The following HELZ variants were observed in gnomAD, a reference collection of about 807,000 sequenced individuals.
The protein encoded by HELZ is ATP-dependent RNA helicase with zinc finger domain.
A neutral mutation model predicts 218.2 loss-of-function variants in HELZ; 23 were observed. The observed-to-expected ratio is 0.11, with a 90% CI of 0.08 to 0.15. HELZ has a LOEUF of 0.15. Among genes scored for constraint, HELZ ranks in the 10% least tolerant of loss-of-function variants. The pLI, the probability that HELZ is intolerant of heterozygous loss-of-function variation, is 1.00. For synonymous variants in HELZ, 814 were observed against 829.4 expected, an observed-to-expected ratio of 0.98 and a Z score of 0.32; for missense variants, 1,813 against 2,353.7, an observed-to-expected ratio of 0.77 and a Z score of 4.75.
intron 1 of HELZ, chr17:67,244,784 G>C (rs2041430262): frequency 1.0e-6 from 1 of 985,234 alleles, no homozygotes; most frequent in Admixed American, 6.1e-5. Context: ...CCGGAGGAGG[G>C]GAACGTGCCG....
intron 3 of HELZ, among the ~76,000 whole-genome samples, chr17:67,221,161 C>A (rs1235244826): frequency 6.6e-6 from 1 of 152,100 alleles, no homozygotes; most frequent in Non-Finnish European, 1.5e-5. Flanking sequence ...ACACTATTAA[C>A]ATTTTGGGCT....
chr17:67,157,031 C>A (rs1168420191), intron 17 of HELZ, among the ~76,000 whole-genome samples: 1 of 152,100 alleles, frequency 6.6e-6, no homozygotes, highest in Admixed American at 6.5e-5. Context: ...ACCTCCCACA[C>A]GTACACTCAC....
intron 32 of HELZ, among the ~76,000 whole-genome samples, chr17:67,086,316 G>A (rs922342948): frequency 3.9e-5 from 6 of 151,976 alleles, no homozygotes; most frequent in African/African-American, 1.5e-4. Context: ...GGCCAGGTGC[G>A]GTGGCTCACG....
At chr17:67,112,050 TACAA>T (rs1192758421) in intron 28 of HELZ, among the ~76,000 whole-genome samples, 5 of 152,156 alleles carry the variant, frequency 3.3e-5, no homozygotes, top group Non-Finnish European at 5.9e-5. Context: ...TGTGCTATTC[TACAA>T]TACTACAATT....
At position 67,178,836 on chromosome 17, in the gene HELZ, G is replaced by A. The variant is rs147625087; in HGVS notation, c.1253C>T (p.Pro418Leu). 2.3e-5 allele frequency: 37 copies of A among 1,613,618 alleles called. No homozygotes were observed. The African/African-American group carries it at 4.1e-4, about 18-fold the overall frequency. ...CTTCTCCAAATCAGTAGTTTCATTA[G>A]GTTCAAAATCTATAATAGTCTTAGA... ...SSSKTIIDFEPNETTDLEKSL... is the reference protein window; with the variant it reads ...SSSKTIIDFELNETTDLEKSL... The change falls in exon 13 of 33, where the codon CCT becomes CTT. Residue 418 changes from proline to leucine, a missense_variant. This residue lies in a region of HELZ where 714 missense variants were observed against 1,029.2 expected (regional missense o/e 0.69). Coordinates refer to ENST00000358691, the MANE Select transcript of HELZ (RefSeq NM_014877.4).
chr17:67,130,495 A>G (rs1313241174), intron 23 of HELZ, among the ~76,000 whole-genome samples: 1 of 152,252 alleles, frequency 6.6e-6, no homozygotes, highest in Non-Finnish European at 1.5e-5. Context: ...ACTAAGGCTA[A>G]TAAGACAGTC....
At chr17:67,203,938 T>C (rs2040233216) in intron 5 of HELZ, among the ~76,000 whole-genome samples, 1 of 152,152 alleles carries the variant, frequency 6.6e-6, no homozygotes, top group South Asian at 2.1e-4. Context: ...CCACAGAAAA[T>C]GCTACCCAAA....
chr17:67,133,806 C>A (rs1030804989), intron 23 of HELZ, among the ~76,000 whole-genome samples: 1 of 152,188 alleles, frequency 6.6e-6, no homozygotes, highest in Non-Finnish European at 1.5e-5. Context: ...TGAGCCACTG[C>A]GCCTGGCCGG....
intron 1 of HELZ, chr17:67,244,724 C>G: frequency 1.0e-6 from 1 of 984,594 alleles, no homozygotes; most frequent in Non-Finnish European, 1.2e-6. Flanking sequence ...TGAGGGGGGG[C>G]ATCGAGCGGG....
At chr17:67,245,597 C>A, upstream of HELZ, 1 of 889,750 alleles carries the variant, frequency 1.1e-6, no homozygotes, top group African/African-American at 1.8e-5. Flanking sequence ...CGTTTCTGCT[C>A]CTGCGGCCGC....
chr17:67,088,895 C>T (rs959581206), intron 31 of HELZ, among the ~76,000 whole-genome samples: 4 of 152,164 alleles, frequency 2.6e-5, no homozygotes, highest in African/African-American at 4.8e-5. Context: ...CATTCAATTA[C>T]GGTAGTGAGT....
At chr17:67,194,375 T>A (rs949510382) in intron 8 of HELZ, among the ~76,000 whole-genome samples, 12 of 152,164 alleles carry the variant, frequency 7.9e-5, no homozygotes, top group Admixed American at 7.2e-4. Context: ...AGGCATGGGA[T>A]GTTTGTCTAT....
At chr17:67,101,792 T>C (rs547626171) in intron 31 of HELZ, among the ~76,000 whole-genome samples, 1 of 152,284 alleles carries the variant, frequency 6.6e-6, no homozygotes, top group South Asian at 2.1e-4. Context: ...AGTGAGAATG[T>C]AATAATTCCA....
chr17:67,152,943 G>C (rs973484769), intron 17 of HELZ, among the ~76,000 whole-genome samples: 1 of 152,068 alleles, frequency 6.6e-6, no homozygotes, highest in Non-Finnish European at 1.5e-5. Flanking sequence ...AGGAGTAACT[G>C]TGTTAAATGC....
At chr17:67,094,702 ATCATT>A (rs1567794934) in intron 31 of HELZ, among the ~76,000 whole-genome samples, 2 of 152,142 alleles carry the variant, frequency 1.3e-5, no homozygotes, top group Non-Finnish European at 2.9e-5. Flanking sequence ...AAGAGGGAGG[ATCATT>A]TGAGCCCATG....
intron 3 of HELZ, among the ~76,000 whole-genome samples, chr17:67,231,717 ACTT>A (rs1212733981): frequency 6.6e-6 from 1 of 152,012 alleles, no homozygotes; most frequent in African/African-American, 2.4e-5. Context: ...TCTGACCTAT[ACTT>A]CTTAATTTTC....
chr17:67,159,438 G>A (rs543529578), intron 17 of HELZ, among the ~76,000 whole-genome samples: 1 of 152,048 alleles, frequency 6.6e-6, no homozygotes. Flanking sequence ...CCATGCTTGA[G>A]CTCAAGTAGA....
At chr17:67,092,336 A>AC in intron 31 of HELZ, among the ~76,000 whole-genome samples, 1 of 152,248 alleles carries the variant, frequency 6.6e-6, no homozygotes, top group Non-Finnish European at 1.5e-5. Context: ...AATTATAGCT[A>AC]CCCCCCAAGA....
intron 24 of HELZ, among the ~76,000 whole-genome samples, chr17:67,127,400 C>A (rs1222493255): frequency 6.6e-6 from 1 of 152,076 alleles, no homozygotes; most frequent in South Asian, 2.1e-4. Flanking sequence ...CTAAAAATGC[C>A]AAATCACAAG....
Sources: allele counts gnomAD v4.1 joint callset (sites outside exome capture counted in the v4.1 genomes callset), GRCh38; gene constraint gnomAD v4.1.1; regional missense constraint gnomAD v4.1.1; transcripts MANE v1.5; gene names NCBI Gene and HGNC (gene_info 2026-07-23, HGNC 2026-07-21).